C4orf36: variants seen among roughly 807,000 people sequenced by gnomAD.
C4orf36 encodes uncharacterized protein C4orf36.
Under a neutral mutation model 12.2 loss-of-function variants are expected in C4orf36, and 11 were observed. The observed-to-expected ratio is 0.90, with a 90% CI of 0.57 to 1.49. C4orf36 has a LOEUF of 1.49. Ranked by LOEUF, C4orf36 falls within the 40% of genes most tolerant of loss-of-function variation. The pLI, the probability that C4orf36 is intolerant of heterozygous loss-of-function variation, is 0.00. For synonymous variants in C4orf36, 54 were observed against 51.3 expected (o/e 1.05, Z -0.22); for missense variants, 137 against 133.9 (o/e 1.02, Z -0.11).
At chr4:86,914,545 C>T in the C4orf36 span, among the ~76,000 whole-genome samples, 3 of 151,630 alleles carry the variant, frequency 2.0e-5, no homozygotes, top group African/African-American at 4.8e-5. Flanking sequence ...GGATTACAGG[C>T]GCCCGCCACA....
At chr4:86,911,364 C>T in the C4orf36 span, among the ~76,000 whole-genome samples, 528 of 152,242 alleles carry the variant, frequency 3.5e-3, 6 homozygotes, top group Middle Eastern at 0.014. Context: ...CATCCTACAC[C>T]CCCACTCTTG....
the C4orf36 span, among the ~76,000 whole-genome samples, chr4:86,912,577 A>G: frequency 1.3e-5 from 2 of 152,206 alleles, no homozygotes; most frequent in Non-Finnish European, 2.9e-5. Context: ...CCATGAGCCA[A>G]CTGCTCTGCC....
chr4:86,924,833 G>C, the C4orf36 span: 2 of 152,196 alleles, frequency 1.3e-5, no homozygotes, highest in African/African-American at 4.8e-5. Context: ...AAAAATACCT[G>C]AGATTGGGTA....
chr4:86,917,323 A>AT, the C4orf36 span, among the ~76,000 whole-genome samples: 1 of 114,064 alleles, frequency 8.8e-6, no homozygotes, highest in Non-Finnish European at 2.1e-5. Flanking sequence ...AGAGAGAGAG[A>AT]GAGAGATGAA....
chr4:86,913,252 C>G, the C4orf36 span: 6 of 580,564 alleles, frequency 1.0e-5, no homozygotes, highest in Non-Finnish European at 2.0e-5. Flanking sequence ...GCTCACTCAG[C>G]TTCACATCCA....
intron 4 of C4orf36, among the ~76,000 whole-genome samples, chr4:86,878,959 A>G (rs180778257): frequency 3.2e-4 from 49 of 152,336 alleles, no homozygotes; most frequent in African/African-American, 1.2e-3. Context: ...ATTCCCAGAA[A>G]GGTTTGGGAG....
At chr4:86,892,021 G>C in intron 1 of C4orf36, 162 bp downstream of exon 1, 1 of 986,428 alleles carries the variant, frequency 1.0e-6, no homozygotes, top group South Asian at 4.7e-5. Context: ...CACCACTCCC[G>C]CGTCCCCGCC....
At chr4:86,923,821 T>C in the C4orf36 span, among the ~76,000 whole-genome samples, 12 of 152,198 alleles carry the variant, frequency 7.9e-5, no homozygotes, top group East Asian at 2.3e-3. Context: ...TGTCTCCTGA[T>C]TGATAACACC....
At chr4:86,880,413 C>T (rs1747024843) in intron 4 of C4orf36, among the ~76,000 whole-genome samples, 1 of 152,178 alleles carries the variant, frequency 6.6e-6, no homozygotes, top group African/African-American at 2.4e-5. Context: ...AAGATTGCGC[C>T]ACTGCACTCC....
chr4:86,910,522 A>G, the C4orf36 span, among the ~76,000 whole-genome samples: 1 of 152,136 alleles, frequency 6.6e-6, no homozygotes, highest in African/African-American at 2.4e-5. Context: ...GTGCTTAGGT[A>G]GAAATGTGAA....
At chr4:86,896,730 G>C (rs28570685), upstream of C4orf36, among the ~76,000 whole-genome samples, 1,010 of 152,164 alleles carry the variant, frequency 6.6e-3, 14 homozygotes, top group African/African-American at 0.024. Context: ...TGATTCTCTA[G>C]CCAGCCTTGG....
chr4:86,876,802 T>G lies in C4orf36; in HGVS notation c.*3-359A>C. On this transcript the variant is annotated intron_variant, in intron 4 of 4. Coordinates refer to ENST00000295898, the MANE Select transcript of C4orf36 (RefSeq NM_144645.4). ...ATTTTAAAATAAAAAAAAAGAGATT[T>G]TCTCATGGATATACAACTAATTGGG... The G allele has an allele frequency of 1.0e-5, 13 of 1,303,840 alleles. 1 individual carries two copies. The South Asian group carries it at 2.1e-4, about 21-fold the overall frequency. The allele number at this position is 1,303,840 out of a possible 1,614,324, so 80.8% of individuals were successfully genotyped here.
Position 86,890,179 on chromosome 4 carries a change from AAGGGAGGGAGGGAGGG to A in C4orf36, c.65+1261_65+1276del, listed in dbSNP as rs34643066. The A allele has an allele frequency of 2.5e-4, 49 of 194,290 alleles. 1 individual carries two copies. Among genetic ancestry groups the A allele is most frequent in the East Asian group, 2.2e-3 (8 of 3,660 alleles). The allele number at this position is 194,290 out of a possible 1,614,324, so 12.0% of individuals were successfully genotyped here. A position where few individuals can be genotyped will look rare whatever the true frequency, so the allele number is the denominator to read the frequency against. On this transcript the variant is annotated intron_variant, in intron 2 of 4. Coordinates refer to ENST00000295898, the MANE Select transcript of C4orf36 (RefSeq NM_144645.4). The stretch of plus-strand genomic sequence containing the variant: ...AGACCCTGTCAGGAAAGAAGGAAAG[AAGGGAGGGAGGGAGGG>A]AGGGAGGGAGGGAGGAAGGAAGGAA...
chr4:86,914,896 T>C, the C4orf36 span: 2 of 334,872 alleles, frequency 6.0e-6, no homozygotes, highest in South Asian at 4.9e-5. Context: ...TCATGGACTC[T>C]GGGCAGTCAA....
At chr4:86,912,150 C>T in the C4orf36 span, among the ~76,000 whole-genome samples, 3 of 152,210 alleles carry the variant, frequency 2.0e-5, no homozygotes, top group Admixed American at 1.3e-4. Flanking sequence ...GCTGGGATTA[C>T]AGGCGTGAGC....
chr4:86,930,511 G>C, the C4orf36 span, among the ~76,000 whole-genome samples: 2 of 152,226 alleles, frequency 1.3e-5, no homozygotes, highest in Non-Finnish European at 2.9e-5. Context: ...TTTTCAAGGA[G>C]ATTAAATAAA....
the C4orf36 span, among the ~76,000 whole-genome samples, chr4:86,910,917 A>T: frequency 2.0e-5 from 3 of 151,704 alleles, no homozygotes; most frequent in Admixed American, 6.6e-5. Context: ...TACAAAAAAA[A>T]TAGCTAAAAA....
chr4:86,933,821 G>A, the C4orf36 span, among the ~76,000 whole-genome samples: 12 of 152,288 alleles, frequency 7.9e-5, no homozygotes, highest in East Asian at 2.3e-3. Flanking sequence ...TACACCACCA[G>A]GTTTCATCAG....
At chr4:86,883,929 T>C (rs890947362) in intron 4 of C4orf36, among the ~76,000 whole-genome samples, 3 of 151,996 alleles carry the variant, frequency 2.0e-5, no homozygotes, top group African/African-American at 7.3e-5. Context: ...CTCGTGTTAC[T>C]GAAGCATGAG....
Sources: allele counts gnomAD v4.1 joint callset (sites outside exome capture counted in the v4.1 genomes callset), GRCh38; gene constraint gnomAD v4.1.1; transcripts MANE v1.5; gene names NCBI Gene and HGNC (gene_info 2026-07-23, HGNC 2026-07-21).